RBFOX1: variants seen among roughly 807,000 people sequenced by gnomAD.
RBFOX1 encodes RNA binding protein fox-1 homolog 1.
In RBFOX1, 8 loss-of-function variants were observed where a neutral mutation model predicts 57.7. The ratio of observed to expected loss-of-function variants is 0.14; its 90% CI spans 0.08 to 0.25. The LOEUF (loss-of-function observed/expected upper bound fraction) is 0.25, where lower values mean the gene tolerates loss of function less well. RBFOX1 is among the 10% of genes least tolerant of loss of function. RBFOX1 has a pLI of 1.00. For missense variants in RBFOX1, 611 were observed against 548.5 expected, an observed-to-expected ratio of 1.11 and a Z score of -1.14; for synonymous variants, 326 against 222.4, an observed-to-expected ratio of 1.47 and a Z score of -4.15.
chr16:7,469,092 C>A (rs368978735), intron 4 of RBFOX1, among the ~76,000 whole-genome samples: 5 of 152,074 alleles, frequency 3.3e-5, no homozygotes, highest in Non-Finnish European at 7.4e-5. Flanking sequence ...CAGCACCATG[C>A]CCGGCTAATT....
intron 4 of RBFOX1, among the ~76,000 whole-genome samples, chr16:5,906,502 AG>A (rs1654559061): frequency 6.6e-6 from 1 of 151,978 alleles, no homozygotes; most frequent in African/African-American, 2.4e-5. Context: ...TTGCACTTCC[AG>A]CCTCCAGAAC....
chr16:6,813,339 A>C (rs1328852910), intron 3 of RBFOX1, among the ~76,000 whole-genome samples: 2 of 152,156 alleles, frequency 1.3e-5, no homozygotes, highest in African/African-American at 2.4e-5. Flanking sequence ...GACCACATTC[A>C]TGTAACTGCC....
chr16:5,643,506 A>G (rs1395471412), intron 3 of RBFOX1, among the ~76,000 whole-genome samples: 2 of 152,158 alleles, frequency 1.3e-5, no homozygotes, highest in African/African-American at 2.4e-5. Context: ...CTGACTTCAC[A>G]CACCCAGCCT....
At chr16:6,674,880 G>GT (rs2057349001) in intron 3 of RBFOX1, among the ~76,000 whole-genome samples, 2 of 152,052 alleles carry the variant, frequency 1.3e-5, no homozygotes, top group East Asian at 3.9e-4. Flanking sequence ...TTACTGTTGT[G>GT]TTTTTTGTTT....
chr16:7,481,640 T>C (rs11862387), intron 4 of RBFOX1, among the ~76,000 whole-genome samples: 2,952 of 152,328 alleles, frequency 0.019, 79 homozygotes, highest in African/African-American at 0.068. Flanking sequence ...ATTGAAAACA[T>C]ATTTGGTATT....
intron 10 of RBFOX1, among the ~76,000 whole-genome samples, chr16:7,622,087 C>A (rs1174334303): frequency 6.6e-6 from 1 of 151,864 alleles, no homozygotes; most frequent in Non-Finnish European, 1.5e-5. Context: ...GGTGGGGGCT[C>A]GGGGGAGGGG....
chr16:5,363,009 C>G (rs1051111084), intron 1 of RBFOX1, among the ~76,000 whole-genome samples: 3 of 143,776 alleles, frequency 2.1e-5, no homozygotes, highest in African/African-American at 7.7e-5. Flanking sequence ...GCAAATATCT[C>G]TTTGAGATGA....
At chr16:5,922,465 G>A (rs1351860946) in intron 4 of RBFOX1, among the ~76,000 whole-genome samples, 1 of 152,172 alleles carries the variant, frequency 6.6e-6, no homozygotes, top group Non-Finnish European at 1.5e-5. Flanking sequence ...GCTGGAGCAA[G>A]GCTAACACAC....
In RBFOX1 at chr16:5,410,423, G is replaced by T. The variant is rs117536269; in HGVS notation, c.220-56793G>T. On this transcript the variant is annotated intron_variant, in intron 1 of 2. Transcript: ENST00000585867. ...TTGTGCATGTCTCTTGTTGACCAGGGAAAGGTTTCCCAACAAAGAAAAGTG... is the reference window on the plus strand; with the variant it reads ...TTGTGCATGTCTCTTGTTGACCAGGTAAAGGTTTCCCAACAAAGAAAAGTG... 4.3e-4 allele frequency among the ~76,000 whole-genome samples: 66 copies of T among 152,134 alleles called. No individual in the cohort carries two copies. The East Asian group carries it at 0.012, about 28-fold the overall frequency.
intron 3 of RBFOX1, among the ~76,000 whole-genome samples, chr16:6,683,246 C>A (rs1309540763): frequency 6.6e-6 from 1 of 152,076 alleles, no homozygotes; most frequent in African/African-American, 2.4e-5. Flanking sequence ...ACAAAAAGGA[C>A]ATAGTTCCAG....
rs1007975190 is a variant in RBFOX1 at position 7,263,856 on chromosome 16, C to T, written c.27+211758C>T. 5.3e-5 allele frequency among the ~76,000 whole-genome samples: 8 copies of T among 150,550 alleles called. No individual in the cohort carries two copies. The South Asian group carries it at 6.3e-4, about 12-fold the overall frequency. On this transcript the variant is annotated intron_variant, in intron 4 of 15. Coordinates refer to ENST00000550418, the MANE Select transcript of RBFOX1 (RefSeq NM_018723.4). ...CGGAGGTTGTGGTGAGCTGAGATTGCACCATTGCACTCCAGCCTGGGCAAC... is the reference window on the plus strand; with the variant it reads ...CGGAGGTTGTGGTGAGCTGAGATTGTACCATTGCACTCCAGCCTGGGCAAC...
intron 1 of RBFOX1, among the ~76,000 whole-genome samples, chr16:5,389,567 G>C (rs183899902): frequency 2.3e-4 from 35 of 152,102 alleles, no homozygotes; most frequent in Non-Finnish European, 1.2e-4. Context: ...AATCATTGGG[G>C]GCATCCTTTG....
chr16:6,349,417 G>T (rs367647658), intron 2 of RBFOX1, among the ~76,000 whole-genome samples: 6 of 152,112 alleles, frequency 3.9e-5, no homozygotes, highest in Admixed American at 2.0e-4. Context: ...AAATCATCGA[G>T]ATACGAATAT....
intron 4 of RBFOX1, among the ~76,000 whole-genome samples, chr16:7,418,124 C>A (rs761300928): frequency 2.6e-5 from 4 of 152,176 alleles, no homozygotes; most frequent in Middle Eastern, 3.2e-3. Context: ...CCCCCACGGC[C>A]AACCTAGGTC....
At chr16:5,839,788 G>A (rs934286066) in intron 3 of RBFOX1, among the ~76,000 whole-genome samples, 2 of 152,112 alleles carry the variant, frequency 1.3e-5, no homozygotes, top group African/African-American at 4.8e-5. Flanking sequence ...GGATGAATGC[G>A]GTTTTCTTTT....
intron 1 of RBFOX1, among the ~76,000 whole-genome samples, chr16:5,399,328 A>G (rs1266557954): frequency 1.3e-5 from 2 of 152,234 alleles, no homozygotes; most frequent in African/African-American, 4.8e-5. Flanking sequence ...TTTTGAGCCA[A>G]AAGTAGATAT....
intron 2 of RBFOX1, among the ~76,000 whole-genome samples, chr16:6,453,829 C>G (rs963293500): frequency 2.0e-5 from 3 of 152,218 alleles, no homozygotes; most frequent in Admixed American, 1.3e-4. Flanking sequence ...ACTGACCACA[C>G]AGGGCCAGAG....
At chr16:5,284,298 G>A (rs1257772303) in intron 1 of RBFOX1, among the ~76,000 whole-genome samples, 1 of 152,108 alleles carries the variant, frequency 6.6e-6, no homozygotes, top group Non-Finnish European at 1.5e-5. Flanking sequence ...ATACACCCGT[G>A]TTCCTTTTTT....
chr16:6,241,947 A>C (rs1237515587), intron 1 of RBFOX1, among the ~76,000 whole-genome samples: 1 of 152,214 alleles, frequency 6.6e-6, no homozygotes, highest in African/African-American at 2.4e-5. Context: ...AACAGCAGAT[A>C]AATTGGGAAA....
Sources: gnomAD v4.1 joint callset for allele counts (sites outside exome capture counted in the v4.1 genomes callset) on GRCh38, gnomAD v4.1.1 for gene constraint, MANE v1.5 for transcripts, NCBI Gene and HGNC (gene_info 2026-07-23, HGNC 2026-07-21) for gene names.